The following IL16 variants were observed in gnomAD, a reference collection of about 807,000 sequenced individuals.
IL16 encodes pro-interleukin-16.
Under a neutral mutation model 110.1 loss-of-function variants are expected in IL16, and 67 were observed. The observed-to-expected ratio is 0.61, with a 90% CI of 0.50 to 0.75. The LOEUF (loss-of-function observed/expected upper bound fraction) is 0.75, where lower values mean the gene tolerates loss of function less well. Ranked by LOEUF, IL16 falls within the 30% of genes least tolerant of loss-of-function variation. The probability of loss-of-function intolerance (pLI) is 0.00; values close to 1 mark genes in which losing one functional copy is unlikely to be tolerated. For synonymous variants in IL16, 689 were observed against 662.9 expected (o/e 1.04, Z -0.61); for missense variants, 1,545 against 1,655.0 (o/e 0.93, Z 1.15).
In IL16 at chr15:81,306,603, C is replaced by T. The variant is rs764441349; in HGVS notation, c.3805+58C>T. The T allele has an allele frequency of 1.9e-6, 3 of 1,601,072 alleles. No homozygotes were observed. The African/African-American group carries it at 4.0e-5, about 21-fold the overall frequency. On this transcript the variant is annotated intron_variant, in intron 18 of 18. Coordinates refer to ENST00000683961, the MANE Select transcript of IL16 (RefSeq NM_172217.5). ...CCAGTTGTGGGCATGTGGCCAGGCC[C>T]CCAAAAGGCTTCTGGGCACTTTCTG...
At chr15:81,228,344 G>A (rs1351210747) in intron 2 of IL16, among the ~76,000 whole-genome samples, 8 of 145,324 alleles carry the variant, frequency 5.5e-5, no homozygotes, top group East Asian at 2.0e-4. Context: ...TTTTTGAGAC[G>A]GAGTCTCGCT....
chr15:81,264,918 A>G (rs1898305907), intron 3 of IL16, among the ~76,000 whole-genome samples: 1 of 152,246 alleles, frequency 6.6e-6, no homozygotes, highest in African/African-American at 2.4e-5. Context: ...TCACTTTTTA[A>G]ATGTGGCTAC....
chr15:81,218,695 G>T (rs1162356348), intron 1 of IL16, among the ~76,000 whole-genome samples: 1 of 152,122 alleles, frequency 6.6e-6, no homozygotes, highest in Admixed American at 6.6e-5. Context: ...TTAATAGTTT[G>T]ATTTTATTGA....
intron 11 of IL16, among the ~76,000 whole-genome samples, chr15:81,291,733 T>A (rs1352156291): frequency 6.6e-6 from 1 of 152,076 alleles, no homozygotes; most frequent in African/African-American, 2.4e-5. Context: ...GAAGGGCTAA[T>A]GGGGAGGGAG....
intron 13 of IL16, among the ~76,000 whole-genome samples, chr15:81,298,825 G>A (rs891670716): frequency 6.6e-6 from 1 of 152,260 alleles, no homozygotes; most frequent in Non-Finnish European, 1.5e-5. Context: ...GAGGGAGCGT[G>A]AAGAGCTGTG....
intron 12 of IL16, among the ~76,000 whole-genome samples, chr15:81,294,500 G>A (rs746345154): frequency 3.9e-4 from 59 of 152,164 alleles, no homozygotes; most frequent in Admixed American, 8.5e-4. Flanking sequence ...CGAGTAAGGC[G>A]TCTGGAGAAG....
chr15:81,186,459 A>G (rs1459653035), intron 1 of IL16, among the ~76,000 whole-genome samples: 1 of 152,124 alleles, frequency 6.6e-6, no homozygotes, highest in African/African-American at 2.4e-5. Context: ...AGCTTTCTAC[A>G]TATCCATACT....
At chr15:81,223,108 T>G (rs939957675) in intron 1 of IL16, among the ~76,000 whole-genome samples, 7 of 152,152 alleles carry the variant, frequency 4.6e-5, no homozygotes, top group Admixed American at 2.6e-4. Flanking sequence ...CCTCTCAAAA[T>G]GCAGCAAGCT....
At chr15:81,196,076 C>T (rs996967618), upstream of IL16, among the ~76,000 whole-genome samples, 6 of 152,196 alleles carry the variant, frequency 3.9e-5, no homozygotes, top group Non-Finnish European at 7.3e-5. Flanking sequence ...GAGGTCTAGG[C>T]CAGGGCCTGA....
Position 81,300,388 on chromosome 15 carries a change from G to A in IL16, c.3062G>A (p.Gly1021Glu). The change falls in exon 14 of 19, where the codon GGG becomes GAG. Residue 1021 changes from glycine to glutamate, a missense_variant. Physicochemically the swap from Gly to Glu is moderately conservative, Grantham distance 98 (BLOSUM62 -2). Around this residue, in one of 3 missense-constraint regions of IL16, gnomAD observed 356 missense variants for 399.3 expected, o/e 0.89. Coordinates refer to ENST00000683961, the MANE Select transcript of IL16 (RefSeq NM_172217.5). ...CAGACTCCCTGCATCCCCAAGGAAGGGGCATCTCCAACATCATCATCCAAC... is the reference window on the plus strand; with the variant it reads ...CAGACTCCCTGCATCCCCAAGGAAGAGGCATCTCCAACATCATCATCCAAC... ...CAQTPCIPKE[G>E]ASPTSSSNED... 6.2e-7 allele frequency: 1 copy of A among 1,614,108 alleles called. No individual in the cohort carries two copies. The highest frequency in any genetic ancestry group is 2.2e-5 in the East Asian group (1 of 44,880).
chr15:81,231,320 G>GTCTC (rs1304721258), intron 2 of IL16, among the ~76,000 whole-genome samples: 16 of 50,980 alleles, frequency 3.1e-4, no homozygotes, highest in Non-Finnish European at 5.8e-4. Context: ...CCCAAGGTCG[G>GTCTC]TCTGTCTCTC....
At chr15:81,241,230 A>G (rs1006671095) in intron 2 of IL16, among the ~76,000 whole-genome samples, 1 of 152,074 alleles carries the variant, frequency 6.6e-6, no homozygotes, top group African/African-American at 2.4e-5. Context: ...GTTCTCTTGT[A>G]TGAAAGTATC....
At chr15:81,276,777 G>T (rs963319543) in intron 6 of IL16, among the ~76,000 whole-genome samples, 1 of 152,166 alleles carries the variant, frequency 6.6e-6, no homozygotes, top group East Asian at 1.9e-4. Context: ...GGAAAAACTG[G>T]CAGTGACCTG....
chr15:81,260,864 T>TA lies in IL16; in HGVS notation c.421+985dup, dbSNP rs566498308. Among the ~76,000 whole-genome samples, 467 of 150,350 alleles carry TA rather than the reference T, an allele frequency of 3.1e-3. 1 individual carries two copies. The highest frequency in any genetic ancestry group is 0.011 in the African/African-American group (442 of 39,618). ...ATTTTTAAAAAGTTACTTGCTTTTT[T>TA]ATCATCAATTTTTACTTATTCTAGC... On this transcript the variant is annotated intron_variant, in intron 3 of 18. Transcript: ENST00000683961.
Position 81,303,335 on chromosome 15 carries a change from G to A in IL16, c.3319-214G>A. ...AGAGAGGAAAATAATTATGCTTGCT[G>A]CTTTACATACATTTTTTTTTTCTTC... On this transcript the variant is annotated intron_variant, in intron 15 of 18. Transcript: ENST00000683961. The surrounding 1 kb of genome is among the most constrained non-coding windows in gnomAD (Gnocchi z 4.1). 1.8e-6 allele frequency: 1 copy of A among 551,026 alleles called. No individual in the cohort carries two copies. Among genetic ancestry groups the A allele is most frequent in the East Asian group, 3.0e-5 (1 of 32,806 alleles). The allele number at this position is 551,026 out of a possible 1,614,324, so 34.1% of individuals were successfully genotyped here. A position where few individuals can be genotyped will look rare whatever the true frequency, so the allele number is the denominator to read the frequency against.
In IL16 at chr15:81,197,082, G is replaced by T; in HGVS notation, c.-172G>T. The T allele has an allele frequency of 1.6e-6, 2 of 1,288,902 alleles. No homozygotes were observed. Among genetic ancestry groups the T allele is most frequent in the South Asian group, 2.5e-5 (2 of 80,918 alleles). The allele number at this position is 1,288,902 out of a possible 1,614,324, so 79.8% of individuals were successfully genotyped here. A position where few individuals can be genotyped will look rare whatever the true frequency, so the allele number is the denominator to read the frequency against. ...TAAGTGGTGCTGCAATCCCTGCTGG[G>T]CAGATGGAGAGAGGAGCAAGGGAGA... is the stretch of plus-strand genomic sequence containing the variant. On this transcript the variant is annotated 5_prime_UTR_variant, in exon 1 of 19. Coordinates refer to ENST00000683961, the MANE Select transcript of IL16 (RefSeq NM_172217.5).
chr15:81,253,227 T>C (rs1425489305), intron 2 of IL16, among the ~76,000 whole-genome samples: 1 of 152,212 alleles, frequency 6.6e-6, no homozygotes, highest in East Asian at 1.9e-4. Context: ...TGGCTAATGA[T>C]GTTGAATATC....
intron 10 of IL16, among the ~76,000 whole-genome samples, chr15:81,289,072 G>T (rs2142342242): frequency 6.6e-6 from 1 of 152,178 alleles, no homozygotes; most frequent in Non-Finnish European, 1.5e-5. Flanking sequence ...TTTCCACAGT[G>T]GCTACACCAT....
chr15:81,270,527 G>A (rs557420854), intron 5 of IL16, among the ~76,000 whole-genome samples: 2 of 152,318 alleles, frequency 1.3e-5, no homozygotes, highest in South Asian at 2.1e-4. Context: ...TAAAAAAGAA[G>A]AGAGACATGA....
Sources: gnomAD v4.1 joint callset for allele counts (sites outside exome capture counted in the v4.1 genomes callset) on GRCh38, gnomAD v4.1.1 for gene constraint, gnomAD v4.1.1 regional missense constraint, Gnocchi (gnomAD v3.1) non-coding constraint, MANE v1.5 for transcripts, NCBI Gene and HGNC (gene_info 2026-07-23, HGNC 2026-07-21) for gene names.